N4BP2L1: variants seen among roughly 807,000 people sequenced by gnomAD.
N4BP2L1 encodes NEDD4 binding protein 2 like 1.
In N4BP2L1, 12 loss-of-function variants were observed where a neutral mutation model predicts 21.2. The observed-to-expected ratio is 0.57, with a 90% confidence interval of 0.36 to 0.92. The LOEUF is 0.92. Ranked by LOEUF, N4BP2L1 falls within the 40% of genes least tolerant of loss-of-function variation. N4BP2L1 has a pLI of 0.01. For missense variants in N4BP2L1, 259 were observed against 310.6 expected (o/e 0.83, Z 1.25); for synonymous variants, 104 against 112.8 (o/e 0.92, Z 0.49).
intron 1 of N4BP2L1, among the ~76,000 whole-genome samples, chr13:32,419,185 G>A (rs1220401169): frequency 1.3e-5 from 2 of 150,740 alleles, no homozygotes; most frequent in Non-Finnish European, 3.0e-5. Flanking sequence ...ACTGAATCAT[G>A]GGAGCAGTTA....
At chr13:32,418,544 TAGTGG>T (rs986206069) in intron 1 of N4BP2L1, among the ~76,000 whole-genome samples, 5 of 152,284 alleles carry the variant, frequency 3.3e-5, no homozygotes, top group Admixed American at 2.0e-4. Flanking sequence ...GGGCACTGCC[TAGTGG>T]AGCTGTAAGA....
At chr13:32,410,621 C>A (rs931914704) in intron 1 of N4BP2L1, among the ~76,000 whole-genome samples, 1 of 152,156 alleles carries the variant, frequency 6.6e-6, no homozygotes, top group African/African-American at 2.4e-5. Context: ...ACCTCTGATG[C>A]AAACAATTAT....
chr13:32,407,631 A>T lies in N4BP2L1; in HGVS notation c.307+14T>A. The T allele has an allele frequency of 6.2e-7, 1 of 1,612,290 alleles. No homozygotes were observed. The highest frequency in any genetic ancestry group is 8.5e-7 in the Non-Finnish European group (1 of 1,180,008). On this transcript the variant is annotated intron_variant, in intron 2 of 4. Transcript: ENST00000380130. The stretch of plus-strand genomic sequence containing the variant: ...CATCAGGGTTTCCCAGGAGTTTGGG[A>T]AGGAATTTGTCACCTCTTTTTTGGT...
chr13:32,405,920 T>A (rs2073462214), intron 3 of N4BP2L1, among the ~76,000 whole-genome samples: 5 of 99,996 alleles, frequency 5.0e-5, no homozygotes, highest in Non-Finnish European at 7.8e-5. Context: ...TTTTTTTTTT[T>A]GAGACAGAGT....
At chr13:32,427,318 C>T (rs2074831454) in intron 1 of N4BP2L1, among the ~76,000 whole-genome samples, 3 of 152,250 alleles carry the variant, frequency 2.0e-5, no homozygotes, top group Admixed American at 1.3e-4. Context: ...AAGCGGGCTG[C>T]CAGCCCCGGG....
chr13:32,416,391 G>T (rs1385207076), intron 1 of N4BP2L1: 2 of 152,214 alleles, frequency 1.3e-5, no homozygotes, highest in Non-Finnish European at 2.9e-5. Flanking sequence ...AAACTGCTGT[G>T]CTTGAGCGCT....
chr13:32,404,859 T>C (rs536533829), intron 3 of N4BP2L1, among the ~76,000 whole-genome samples: 1 of 152,226 alleles, frequency 6.6e-6, no homozygotes, highest in Non-Finnish European at 1.5e-5. Context: ...CTTCACATCA[T>C]CTTCCTTCCA....
At chr13:32,406,959 C>G in intron 3 of N4BP2L1, 1 of 406,238 alleles carries the variant, frequency 2.5e-6, no homozygotes, top group South Asian at 2.4e-5. Flanking sequence ...CTCTGTATGC[C>G]TTGCCGTAGG....
chr13:32,419,662 C>T (rs1411482659), intron 1 of N4BP2L1, among the ~76,000 whole-genome samples: 2 of 152,108 alleles, frequency 1.3e-5, no homozygotes, highest in African/African-American at 4.8e-5. Context: ...GCTTCCCCTT[C>T]CACCACGATT....
chr13:32,414,215 C>T (rs1490268558), intron 1 of N4BP2L1, among the ~76,000 whole-genome samples: 1 of 152,102 alleles, frequency 6.6e-6, no homozygotes, highest in Non-Finnish European at 1.5e-5. Context: ...AATTATTTCC[C>T]ACCTTATAAA....
upstream of N4BP2L1, among the ~76,000 whole-genome samples, chr13:32,429,320 A>C (rs188433640): frequency 3.3e-3 from 503 of 152,252 alleles, 2 homozygotes; most frequent in Non-Finnish European, 4.7e-3. Flanking sequence ...TCCCTTGAAA[A>C]TCCATTCCCA....
At chr13:32,429,000 C>T (rs1287302007), upstream of N4BP2L1, among the ~76,000 whole-genome samples, 3 of 152,368 alleles carry the variant, frequency 2.0e-5, no homozygotes, top group African/African-American at 7.2e-5. Context: ...AACCAAAATT[C>T]ACCATGCCTG....
At chr13:32,404,521 T>A in intron 3 of N4BP2L1, 124 bp from the exon 4 acceptor site, 1 of 661,444 alleles carries the variant, frequency 1.5e-6, no homozygotes. Context: ...AGTAATCCAA[T>A]GCCTTAATTT....
chr13:32,402,107 C>G lies in N4BP2L1; in HGVS notation c.*835G>C. On this transcript the variant is annotated 3_prime_UTR_variant, in exon 5 of 5. Coordinates refer to ENST00000380130, the MANE Select transcript of N4BP2L1 (RefSeq NM_052818.3). ...AAACATTTGAGCTGCCGACTAATTA[C>G]ACATGTTAATAGGCATAATTTTAGA... 1.0e-6 allele frequency: 1 copy of G among 985,114 alleles called. No individual in the cohort carries two copies. Among genetic ancestry groups the G allele is most frequent in the Non-Finnish European group, 1.2e-6 (1 of 829,648 alleles). The allele number at this position is 985,114 out of a possible 1,614,324, so 61.0% of individuals were successfully genotyped here.
chr13:32,419,412 A>ATTTTTTTTTTTTTTTTTTTTTTTTTTTT (rs71071039), intron 1 of N4BP2L1: 6 of 284,698 alleles, frequency 2.1e-5, no homozygotes, highest in African/African-American at 8.9e-5. Context: ...TGCTTGGCTA[A>ATTTTTTTTTTTTTTTTTTTTTTTTTTTT]TTTTTTTTTT....
intron 1 of N4BP2L1, among the ~76,000 whole-genome samples, chr13:32,416,202 C>T (rs2074130364): frequency 6.6e-6 from 1 of 152,154 alleles, no homozygotes; most frequent in Non-Finnish European, 1.5e-5. Flanking sequence ...TTATTAAGTG[C>T]TTATTGTGTG....
intron 1 of N4BP2L1, among the ~76,000 whole-genome samples, chr13:32,420,076 A>C (rs564953513): frequency 6.6e-6 from 1 of 152,248 alleles, no homozygotes; most frequent in Non-Finnish European, 1.5e-5. Context: ...AAGTGTCCCC[A>C]AGCCACAGTG....
intron 1 of N4BP2L1, chr13:32,411,739 T>C (rs2073874540): frequency 2.0e-6 from 2 of 982,158 alleles, no homozygotes; most frequent in South Asian, 9.4e-5. Flanking sequence ...CTAATCTTGA[T>C]TTCACAACTT....
At chr13:32,411,680 C>A (rs2073870570) in intron 1 of N4BP2L1, 2 of 985,032 alleles carry the variant, frequency 2.0e-6, no homozygotes, top group Admixed American at 6.1e-5. Flanking sequence ...CCTCCCACAA[C>A]CCCCGCTCAA....
Sources: allele counts gnomAD v4.1 joint callset (sites outside exome capture counted in the v4.1 genomes callset), GRCh38; gene constraint gnomAD v4.1.1; transcripts MANE v1.5; gene names NCBI Gene and HGNC (gene_info 2026-07-23, HGNC 2026-07-21).